Variants in HMX1 observed in about 807,000 individuals in gnomAD.
HMX1 encodes the protein H6 family homeobox 1, also known as homeobox protein HMX1.
Under a neutral mutation model 8.9 loss-of-function variants are expected in HMX1, and 8 were observed. The ratio of observed to expected loss-of-function variants is 0.90; its 90% CI spans 0.53 to 1.63. The LOEUF is 1.63. Among genes scored for constraint, HMX1 ranks in the 40% most tolerant of loss-of-function variants. The probability of loss-of-function intolerance (pLI) is 0.00; values close to 1 mark genes in which losing one functional copy is unlikely to be tolerated. For synonymous variants in HMX1, 311 were observed against 283.4 expected, an observed-to-expected ratio of 1.10 and a Z score of -0.98; for missense variants, 621 against 558.5, an observed-to-expected ratio of 1.11 and a Z score of -1.13.
downstream of HMX1, among the ~76,000 whole-genome samples, chr4:8,864,623 G>T (rs181604358): frequency 6.6e-6 from 1 of 152,220 alleles, no homozygotes; most frequent in Non-Finnish European, 1.5e-5. Flanking sequence ...GGCTCTCTGG[G>T]TTCCAGGTCC....
chr4:8,869,040 A>C (rs1178900892), intron 1 of HMX1, among the ~76,000 whole-genome samples: 2 of 152,196 alleles, frequency 1.3e-5, no homozygotes, highest in African/African-American at 4.8e-5. Flanking sequence ...AGGCAAGTCC[A>C]CACCAGCCAC....
chr4:8,861,078 A>C (rs1184020396), intron 1 of HMX1, among the ~76,000 whole-genome samples: 1 of 151,640 alleles, frequency 6.6e-6, no homozygotes, highest in Non-Finnish European at 1.5e-5. Flanking sequence ...GGCGGGGCCG[A>C]GTCGCGTCCG....
At position 8,867,551 on chromosome 4, in the gene HMX1, G is replaced by A. The variant is rs552794108; in HGVS notation, c.*142C>T. The A allele has an allele frequency of 2.6e-4, 306 of 1,186,130 alleles. 4 individuals are homozygous for A. The South Asian group carries it at 0.011, about 44-fold the overall frequency. 73.5% of individuals were successfully genotyped at this position (1,186,130 alleles called of 1,614,324 possible). On this transcript the variant is annotated 3_prime_UTR_variant, in exon 2 of 2. Coordinates refer to ENST00000400677, the MANE Select transcript of HMX1 (RefSeq NM_018942.3). The stretch of plus-strand genomic sequence containing the variant: ...CACAGAAGCTGAGGCCCGCCCGGCC[G>A]CGGCCTGCGCTCCCGAGGTATCTAG...
At chr4:8,862,127 G>T (rs1231829477), downstream of HMX1, among the ~76,000 whole-genome samples, 1 of 152,262 alleles carries the variant, frequency 6.6e-6, no homozygotes, top group African/African-American at 2.4e-5. Context: ...AGTGGAGAAG[G>T]GGCGGAGGCC....
rs1040540992 is a variant in HMX1 at position 8,867,573 on chromosome 4, C to G, written c.*120G>C. 12 of 1,186,166 alleles carry G rather than the reference C, an allele frequency of 1.0e-5. No homozygotes were observed. The highest frequency in any genetic ancestry group is 8.0e-5 in the African/African-American group (5 of 62,432). 73.5% of individuals were successfully genotyped at this position (1,186,166 alleles called of 1,614,324 possible). ...GCCGCGGCCTGCGCTCCCGAGGTAT[C>G]TAGGAGGCCGCAGGAGCGACCATCC... On this transcript the variant is annotated 3_prime_UTR_variant, in exon 2 of 2. Transcript: ENST00000400677.
chr4:8,862,363 G>A (rs998227997), downstream of HMX1, among the ~76,000 whole-genome samples: 2 of 152,212 alleles, frequency 1.3e-5, no homozygotes, highest in African/African-American at 4.8e-5. Flanking sequence ...ATGTTTCTTG[G>A]TAGTCACTTT....
chr4:8,852,575 G>A (rs763550728), intron 1 of HMX1, among the ~76,000 whole-genome samples: 7 of 152,188 alleles, frequency 4.6e-5, no homozygotes, highest in Non-Finnish European at 1.0e-4. Flanking sequence ...GGAACTGGAC[G>A]CATCCCACCC....
At chr4:8,860,607 C>T (rs572951503) in intron 1 of HMX1, 1 of 152,558 alleles carries the variant, frequency 6.6e-6, no homozygotes, top group African/African-American at 2.4e-5. Context: ...CCCGCGTCCC[C>T]CGCCACGGGC....
In HMX1 at chr4:8,871,672, G is replaced by GCGCGCGGCTCCCGGGCGCA; in HGVS notation, c.-77_-59dup. The GCGCGCGGCTCCCGGGCGCA allele has an allele frequency of 8.6e-7, 1 of 1,156,810 alleles. No homozygotes were observed. Among genetic ancestry groups the GCGCGCGGCTCCCGGGCGCA allele is most frequent in the Non-Finnish European group, 1.1e-6 (1 of 940,462 alleles). 71.7% of individuals were successfully genotyped at this position (1,156,810 alleles called of 1,614,324 possible). On this transcript the variant is annotated 5_prime_UTR_variant, in exon 1 of 2. Coordinates refer to ENST00000400677, the MANE Select transcript of HMX1 (RefSeq NM_018942.3). This position sits in a 1 kb window ranked among gnomAD's most constrained non-coding sequence, Gnocchi z 4.8. ...TCCTCGGTCCCCGCTGGGGATGGTG[G>GCGCGCGGCTCCCGGGCGCA]CGCGCGGCTCCCGGGCGCACGCGCG...
chr4:8,858,109 G>C (rs865795741), intron 1 of HMX1, among the ~76,000 whole-genome samples: 2 of 152,070 alleles, frequency 1.3e-5, no homozygotes, highest in Middle Eastern at 6.8e-3. Context: ...GCAGCAGGCC[G>C]ACCGCCCCCA....
downstream of HMX1, among the ~76,000 whole-genome samples, chr4:8,865,639 G>A (rs1408646698): frequency 1.3e-5 from 2 of 152,162 alleles, no homozygotes; most frequent in African/African-American, 4.8e-5. Flanking sequence ...GCGAGGTCTA[G>A]AGGGCCCAGT....
exon 2 of HMX1, chr4:8,846,229 G>A (rs1292254460): frequency 1.3e-6 from 2 of 1,530,306 alleles, no homozygotes; most frequent in South Asian, 2.4e-5. Flanking sequence ...GCCATCCAGA[G>A]GCTCCCACTG....
At position 8,868,462 on chromosome 4, in the gene HMX1, C is replaced by T. The variant is rs553306190; in HGVS notation, c.395-117G>A. On this transcript the variant is annotated intron_variant, in intron 1 of 1. Coordinates refer to ENST00000400677, the MANE Select transcript of HMX1 (RefSeq NM_018942.3). The surrounding 1 kb of genome is among the most constrained non-coding windows in gnomAD (Gnocchi z 4.6). ...CACAGCCACAAGCAGGAAGACCTTCCAGCACAGGGCTGGGCACCCAGCAGC... is the reference window on the plus strand; with the variant it reads ...CACAGCCACAAGCAGGAAGACCTTCTAGCACAGGGCTGGGCACCCAGCAGC... 1 of 809,200 alleles carries T rather than the reference C, an allele frequency of 1.2e-6. No individual in the cohort carries two copies. The highest frequency in any genetic ancestry group is 1.7e-6 in the Non-Finnish European group (1 of 595,726). The allele number at this position is 809,200 out of a possible 1,614,324, so 50.1% of individuals were successfully genotyped here.
chr4:8,856,449 T>C (rs550207615), intron 1 of HMX1, among the ~76,000 whole-genome samples: 55 of 152,072 alleles, frequency 3.6e-4, no homozygotes, highest in African/African-American at 1.3e-3. Flanking sequence ...GTAGCTCTGG[T>C]ACAAATGAAG....
rs937136483 is a variant in HMX1 at position 8,867,181 on chromosome 4, C to A, written c.*512G>T. The A allele has an allele frequency of 1.3e-5, 13 of 985,352 alleles. No homozygotes were observed. The highest frequency in any genetic ancestry group is 1.6e-5 in the Non-Finnish European group (13 of 829,906). 61.0% of individuals were successfully genotyped at this position (985,352 alleles called of 1,614,324 possible). ...GGAACGGACGATGGGACCCACAGGT[C>A]CAGGGTCCTTTCTCCACCAGCACCC... On this transcript the variant is annotated 3_prime_UTR_variant, in exon 2 of 2. Transcript: ENST00000400677.
rs1489967377 is a variant in HMX1 at position 8,871,332 on chromosome 4, C to T, written c.283G>A (p.Gly95Ser). The T allele has an allele frequency of 7.6e-6, 10 of 1,316,600 alleles. No homozygotes were observed. The African/African-American group carries it at 1.6e-4, about 21-fold the overall frequency. The allele number at this position is 1,316,600 out of a possible 1,614,324, so 81.6% of individuals were successfully genotyped here. Residue 95 changes from glycine (G) to serine (S), a missense_variant, in exon 1 of 2, where the codon GGT becomes AGT. Gly to Ser is a moderately conservative substitution (Grantham distance 56, BLOSUM62 0). Transcript: ENST00000400677. The surrounding 1 kb of genome is among the most constrained non-coding windows in gnomAD (Gnocchi z 4.8). ...ALLGPGALGL[G>S]PRPPPGPGPP... ...CCGGGACCGGGGGGCGGCCGAGGAC[C>T]GAGGCCCAGCGCGCCCGGCCCGAGC...
rs543061741 is a variant in HMX1, at chr4:8,853,205, C to T, written c.395-6881G>A. On this transcript the variant is annotated intron_variant, in intron 1 of 1. Coordinates refer to the HMX1 transcript ENST00000506970. The surrounding 1 kb of genome is among the most constrained non-coding windows in gnomAD (Gnocchi z 4.7). ...ACAAGACAGAAAGTTTTGTTTGTTT[C>T]TCACAAACAAATAAATGAGTGAAGC... is the stretch of plus-strand genomic sequence containing the variant. Among the ~76,000 whole-genome samples, 23 of 152,286 alleles carry T rather than the reference C, an allele frequency of 1.5e-4. 1 individual carries two copies. Among genetic ancestry groups the T allele is most frequent in the South Asian group, 4.1e-4 (2 of 4,828 alleles).
chr4:8,860,972 C>A (rs1275510306), intron 1 of HMX1: 3 of 24,010 alleles, frequency 1.2e-4, no homozygotes, highest in South Asian at 1.3e-3. Flanking sequence ...GGGGCGAGGG[C>A]GGGGGAGGGG....
chr4:8,855,898 G>A (rs1040187107), intron 1 of HMX1, among the ~76,000 whole-genome samples: 1 of 152,220 alleles, frequency 6.6e-6, no homozygotes, highest in Non-Finnish European at 1.5e-5. Flanking sequence ...GTTCCTGTAC[G>A]GGGCCAGCCT....
Sources: allele counts gnomAD v4.1 joint callset (sites outside exome capture counted in the v4.1 genomes callset), GRCh38; gene constraint gnomAD v4.1.1; non-coding constraint Gnocchi (gnomAD v3.1); transcripts MANE v1.5; gene names NCBI Gene and HGNC (gene_info 2026-07-23, HGNC 2026-07-21).